The following CHD7 variants were observed in gnomAD, a reference collection of about 807,000 sequenced individuals.
CHD7 encodes the protein ATP-dependent chromatin remodeler CHD7.
A neutral mutation model predicts 307.3 loss-of-function variants in CHD7; 24 were observed. The observed-to-expected ratio is 0.08, with a 90% CI of 0.06 to 0.11. CHD7 has a LOEUF of 0.11. CHD7 is among the 10% of genes least tolerant of loss of function. The probability of loss-of-function intolerance (pLI) is 1.00; values close to 1 mark genes in which losing one functional copy is unlikely to be tolerated. For synonymous variants in CHD7, 1,363 were observed against 1,349.9 expected (o/e 1.01, Z -0.21); for missense variants, 3,106 against 3,727.1 (o/e 0.83, Z 4.34).
At chr8:60,783,058 A>G (rs1055424246) in intron 3 of CHD7, among the ~76,000 whole-genome samples, 60 of 152,220 alleles carry the variant, frequency 3.9e-4, no homozygotes, top group African/African-American at 1.4e-3. Context: ...TAATCTTAGC[A>G]TCAAGATATA....
intron 1 of CHD7, among the ~76,000 whole-genome samples, chr8:60,699,657 A>G (rs1806659027): frequency 6.6e-6 from 1 of 152,044 alleles, no homozygotes; most frequent in Non-Finnish European, 1.5e-5. Context: ...AGGTGGGAGA[A>G]GCTGTAGAAA....
chr8:60,824,252 C>G (rs1326222415), intron 13 of CHD7: 3 of 446,044 alleles, frequency 6.7e-6, no homozygotes, highest in Non-Finnish European at 1.2e-5. Flanking sequence ...GATAGTTTCA[C>G]TAAAGTGAGT....
chr8:60,727,742 G>A (rs1286881655), intron 1 of CHD7, among the ~76,000 whole-genome samples: 1 of 152,094 alleles, frequency 6.6e-6, no homozygotes, highest in Non-Finnish European at 1.5e-5. Flanking sequence ...TGACTTAAAC[G>A]GCCATATCTC....
intron 13 of CHD7, chr8:60,824,241 T>C: frequency 6.5e-6 from 3 of 463,854 alleles, no homozygotes; most frequent in Admixed American, 3.8e-5. Context: ...AGTGTAATCA[T>C]GATAGTTTCA....
Position 60,742,377 on chromosome 8 carries a change from C to T in CHD7, c.945C>T (p.Tyr315=), listed in dbSNP as rs1163030945. The T allele has an allele frequency of 1.2e-6, 2 of 1,614,032 alleles. No individual in the cohort carries two copies. The highest frequency in any genetic ancestry group is 2.7e-5 in the African/African-American group (2 of 75,058). Residue 315 remains tyrosine (Y), a synonymous_variant, in exon 2 of 38, where the codon TAC becomes TAT. Transcript: ENST00000423902. ...CAGGGCAGTATTCTCGATATCCTTA[C>T]AGTAACCTAAATCAGGGATTAGTTA... The part of the protein sequence containing the change: ...NNSGQYSRYP[Y]SNLNQGLVNN...
intron 23 of CHD7, among the ~76,000 whole-genome samples, chr8:60,847,163 C>T (rs1805247821): frequency 6.6e-6 from 1 of 152,174 alleles, no homozygotes; most frequent in Non-Finnish European, 1.5e-5. Context: ...CACACTTGGC[C>T]TATCCAGAAC....
At chr8:60,701,221 C>A (rs1161783200) in intron 1 of CHD7, among the ~76,000 whole-genome samples, 2 of 152,182 alleles carry the variant, frequency 1.3e-5, no homozygotes, top group Non-Finnish European at 2.9e-5. Flanking sequence ...GTAAAATGTT[C>A]ACAGGTTATG....
At chr8:60,717,967 T>TA (rs201355315) in intron 1 of CHD7, among the ~76,000 whole-genome samples, 2,584 of 107,108 alleles carry the variant, frequency 0.024, 35 homozygotes, top group Non-Finnish European at 0.045. Flanking sequence ...CCATTTTTTT[T>TA]TAAATTTAAC....
intron 1 of CHD7, among the ~76,000 whole-genome samples, chr8:60,682,929 C>T (rs1805703177): frequency 6.6e-6 from 1 of 152,124 alleles, no homozygotes; most frequent in Non-Finnish European, 1.5e-5. Flanking sequence ...ATGATTTCTA[C>T]ATGTAAAAAG....
intron 21 of CHD7, among the ~76,000 whole-genome samples, chr8:60,842,540 A>AT (rs1164417005): frequency 1.3e-5 from 2 of 152,210 alleles, no homozygotes; most frequent in Non-Finnish European, 2.9e-5. Flanking sequence ...CTGCTGGACT[A>AT]TAAGTTTCTG....
intron 2 of CHD7, among the ~76,000 whole-genome samples, chr8:60,777,002 T>G (rs1007987091): frequency 2.0e-5 from 3 of 152,220 alleles, no homozygotes; most frequent in Non-Finnish European, 4.4e-5. Flanking sequence ...TCTAAAAGCT[T>G]GTATTTATGT....
At chr8:60,684,790 G>A (rs1805799560) in intron 1 of CHD7, among the ~76,000 whole-genome samples, 1 of 152,198 alleles carries the variant, frequency 6.6e-6, no homozygotes, top group Admixed American at 6.5e-5. Context: ...TTTGACACGA[G>A]CAGAGTAGTG....
chr8:60,825,114 G>C (rs1007635297), intron 13 of CHD7: 2 of 152,130 alleles, frequency 1.3e-5, no homozygotes, highest in African/African-American at 4.8e-5. Flanking sequence ...TTGATCTTTT[G>C]TTAACTGAGA....
chr8:60,856,030 A>G lies in CHD7; in HGVS notation c.6992A>G (p.Lys2331Arg), dbSNP rs747050794. 2.0e-5 allele frequency: 33 copies of G among 1,611,542 alleles called. No individual in the cohort carries two copies. Among genetic ancestry groups the G allele is most frequent in the Non-Finnish European group, 2.5e-5 (29 of 1,178,848 alleles). Residue 2331 changes from lysine to arginine, a missense_variant, in exon 33 of 38, where the codon AAA becomes AGA. By Grantham distance (26) the Lys-to-Arg change is conservative. Transcript: ENST00000423902. ...ATCTGTGAAGCAGTGTTGAAAGGCA[A>G]ATGGCCAGTAAATAGGCGCCAGATG... The part of the protein sequence containing the change: ...DNICEAVLKG[K>R]WPVNRRQMFD...
intron 15 of CHD7, among the ~76,000 whole-genome samples, chr8:60,834,290 A>G (rs1382523544): frequency 6.6e-6 from 1 of 151,916 alleles, no homozygotes; most frequent in Non-Finnish European, 1.5e-5. Flanking sequence ...AAAATACTAT[A>G]TTTTATATTG....
intron 18 of CHD7, 24 bp downstream of exon 18, chr8:60,837,859 A>T: frequency 1.9e-6 from 3 of 1,585,746 alleles, no homozygotes; most frequent in Non-Finnish European, 2.6e-6. Flanking sequence ...TGCCCAAACC[A>T]TTTATTTATT....
intron 2 of CHD7, among the ~76,000 whole-genome samples, chr8:60,766,575 A>T (rs1810478984): frequency 6.6e-6 from 1 of 152,222 alleles, no homozygotes; most frequent in South Asian, 2.1e-4. Context: ...GAATAAGGAT[A>T]GCAGTGGGGA....
At position 60,821,899 on chromosome 8, in the gene CHD7, T is replaced by C. The variant is rs1341000443; in HGVS notation, c.2807T>C (p.Met936Thr). 1.9e-6 allele frequency: 3 copies of C among 1,612,554 alleles called. No homozygotes were observed. The highest frequency in any genetic ancestry group is 8.5e-7 in the Non-Finnish European group (1 of 1,179,166). The part of the protein sequence containing the change: ...QAKIEEFEKL[M>T]SREPETERVE... The stretch of plus-strand genomic sequence containing the variant: ...AAGATCGAGGAGTTTGAGAAACTAA[T>C]GTCCAGGGAGCCGGAAACAGAGCGT... The change falls in exon 10 of 38, where the codon ATG (methionine) becomes ACG (threonine). Residue 936 changes from methionine (M) to threonine (T), a missense_variant. Met to Thr is a moderately conservative substitution (Grantham distance 81). This residue lies in a region of CHD7 where 188 missense variants were observed against 261.7 expected (regional missense o/e 0.72). Coordinates refer to ENST00000423902, the MANE Select transcript of CHD7 (RefSeq NM_017780.4).
intron 32 of CHD7, among the ~76,000 whole-genome samples, 167 bp downstream of exon 32, chr8:60,854,690 G>GA (rs571265859): frequency 1.4e-4 from 21 of 152,210 alleles, no homozygotes; most frequent in Non-Finnish European, 2.4e-4. Flanking sequence ...AAAGCCCAAA[G>GA]AAAAAAATTG....
Sources: allele counts gnomAD v4.1 joint callset (sites outside exome capture counted in the v4.1 genomes callset), GRCh38; gene constraint gnomAD v4.1.1; regional missense constraint gnomAD v4.1.1; transcripts MANE v1.5; gene names NCBI Gene and HGNC (gene_info 2026-07-23, HGNC 2026-07-21).